EYS: variants seen among roughly 807,000 people sequenced by gnomAD.
The protein encoded by EYS is EGF-like photoreceptor maintenance factor.
A neutral mutation model predicts 282.1 loss-of-function variants in EYS; 250 were observed. The ratio of observed to expected loss-of-function variants is 0.89; its 90% confidence interval spans 0.80 to 0.98. The LOEUF (loss-of-function observed/expected upper bound fraction) is 0.98, where lower values mean the gene tolerates loss of function less well. EYS is among the 50% of genes least tolerant of loss of function. EYS has a pLI of 0.00. For synonymous variants in EYS, 1,355 were observed against 1,282.9 expected, an observed-to-expected ratio of 1.06 and a Z score of -1.20; for missense variants, 4,016 against 3,709.0, an observed-to-expected ratio of 1.08 and a Z score of -2.15.
At chr6:64,583,104 G>C (rs1225179861) in intron 26 of EYS, among the ~76,000 whole-genome samples, 1 of 152,062 alleles carries the variant, frequency 6.6e-6, no homozygotes, top group Non-Finnish European at 1.5e-5. Context: ...ACAGGAAAAG[G>C]GTTCTGAGTG....
chr6:65,396,806 T>C (rs1766293526), intron 7 of EYS, among the ~76,000 whole-genome samples: 1 of 152,032 alleles, frequency 6.6e-6, no homozygotes, highest in African/African-American at 2.4e-5. Context: ...GAAGACACTT[T>C]CCAAATGATT....
intron 8 of EYS, among the ~76,000 whole-genome samples, chr6:65,371,955 C>A (rs751421481): frequency 6.7e-6 from 1 of 148,866 alleles, no homozygotes. Flanking sequence ...CTTCTTCCAG[C>A]GTGAGTTTAC....
chr6:65,029,246 T>G (rs567782327), intron 13 of EYS, among the ~76,000 whole-genome samples: 1 of 152,266 alleles, frequency 6.6e-6, no homozygotes, highest in African/African-American at 2.4e-5. Flanking sequence ...GAAATCAAGA[T>G]CTAGGTGATC....
intron 41 of EYS, among the ~76,000 whole-genome samples, chr6:63,732,505 T>C (rs1768806840): frequency 6.6e-6 from 1 of 152,166 alleles, no homozygotes; most frequent in Non-Finnish European, 1.5e-5. Context: ...ATGACTCAAA[T>C]GTTTATTTTA....
chr6:65,436,210 A>G (rs1428663488), intron 5 of EYS, among the ~76,000 whole-genome samples: 1 of 152,168 alleles, frequency 6.6e-6, no homozygotes, highest in Non-Finnish European at 1.5e-5. Context: ...TGGAATAAAT[A>G]TTTAATAAAA....
chr6:65,191,866 T>C (rs1765649713), intron 12 of EYS, among the ~76,000 whole-genome samples: 1 of 151,816 alleles, frequency 6.6e-6, no homozygotes, highest in African/African-American at 2.4e-5. Flanking sequence ...TGCTGCCTTG[T>C]GCCATTTACA....
At chr6:65,443,857 T>C (rs1768545775) in intron 5 of EYS, among the ~76,000 whole-genome samples, 1 of 151,920 alleles carries the variant, frequency 6.6e-6, no homozygotes, top group South Asian at 2.1e-4. Flanking sequence ...AATATAAGTC[T>C]AAATTAAATG....
chr6:64,188,503 G>A (rs559031213), intron 31 of EYS, among the ~76,000 whole-genome samples: 1 of 152,008 alleles, frequency 6.6e-6, no homozygotes, highest in Non-Finnish European at 1.5e-5. Flanking sequence ...GATATATTAT[G>A]CTAAAAAGTG....
At chr6:65,274,965 A>T (rs975978122) in intron 12 of EYS, among the ~76,000 whole-genome samples, 15 of 151,868 alleles carry the variant, frequency 9.9e-5, no homozygotes, top group African/African-American at 2.7e-4. Flanking sequence ...TAGATTTTAG[A>T]GCTAAAATAT....
intron 5 of EYS, among the ~76,000 whole-genome samples, chr6:65,467,996 G>A (rs1305383335): frequency 1.3e-5 from 2 of 151,990 alleles, no homozygotes; most frequent in African/African-American, 4.8e-5. Context: ...CACTGACTGT[G>A]GGAACTCCAA....
chr6:64,066,627 G>A (rs2149855881), intron 32 of EYS, 136 bp from the exon 33 acceptor site: 1 of 627,730 alleles, frequency 1.6e-6, no homozygotes. Flanking sequence ...TAATTATTCA[G>A]TGTAATAAGT....
intron 35 of EYS, among the ~76,000 whole-genome samples, chr6:63,908,806 T>C (rs1773847643): frequency 6.6e-6 from 1 of 152,200 alleles, no homozygotes; most frequent in African/African-American, 2.4e-5. Flanking sequence ...GGCTATTTTC[T>C]ATCTAAATGG....
intron 30 of EYS, among the ~76,000 whole-genome samples, chr6:64,236,362 G>A (rs1766606954): frequency 6.6e-6 from 1 of 152,006 alleles, no homozygotes; most frequent in South Asian, 2.1e-4. Flanking sequence ...CTACTTTTTG[G>A]CTATTGTAAA....
chr6:65,066,226 T>G lies in EYS; in HGVS notation c.2024-8499A>C, dbSNP rs536587625. Among the ~76,000 whole-genome samples, 34 of 152,322 alleles carry G rather than the reference T, an allele frequency of 2.2e-4. 1 individual carries two copies. The highest frequency in any genetic ancestry group is 6.0e-4 in the African/African-American group (25 of 41,570). On this transcript the variant is annotated intron_variant, in intron 12 of 42. Transcript: ENST00000503581. The stretch of plus-strand genomic sequence containing the variant: ...CCACTTGCCACTGTCCAAACATGTA[T>G]ATTGTTACTAGAATTGATAAGATGA...
At chr6:64,637,216 G>T (rs1274253621) in intron 22 of EYS, among the ~76,000 whole-genome samples, 1 of 91,166 alleles carries the variant, frequency 1.1e-5, no homozygotes, top group Non-Finnish European at 2.4e-5. Context: ...ATGATAGACT[G>T]GATTGAGAAA....
chr6:63,757,114 T>G (rs1294069966), intron 41 of EYS, among the ~76,000 whole-genome samples: 1 of 152,130 alleles, frequency 6.6e-6, no homozygotes, highest in African/African-American at 2.4e-5. Context: ...TTTTTCTTCT[T>G]GCAGAGAGCC....
chr6:65,619,537 C>T (rs916210778), intron 2 of EYS, among the ~76,000 whole-genome samples: 3 of 152,228 alleles, frequency 2.0e-5, no homozygotes, highest in East Asian at 3.9e-4. Flanking sequence ...TAATTGAATA[C>T]CCTTTATTTC....
chr6:64,447,490 T>C (rs1165306921), intron 26 of EYS, among the ~76,000 whole-genome samples: 1 of 152,142 alleles, frequency 6.6e-6, no homozygotes, highest in African/African-American at 2.4e-5. Context: ...TAAAGATTTA[T>C]ATTATATGAA....
intron 26 of EYS, among the ~76,000 whole-genome samples, chr6:64,541,112 G>T (rs967428885): frequency 7.9e-5 from 12 of 152,110 alleles, no homozygotes; most frequent in Non-Finnish European, 1.8e-4. Flanking sequence ...CACAGAATTA[G>T]TTTTGCCCAT....
Sources: gnomAD v4.1 joint callset for allele counts (sites outside exome capture counted in the v4.1 genomes callset) on GRCh38, gnomAD v4.1.1 for gene constraint, MANE v1.5 for transcripts, NCBI Gene and HGNC (gene_info 2026-07-23, HGNC 2026-07-21) for gene names.